MORN1: variants seen among roughly 807,000 people sequenced by gnomAD.
MORN1 encodes MORN repeat-containing protein 1.
MORN1 carries 67 observed loss-of-function variants against 61.9 expected under a neutral mutation model. The ratio of observed to expected loss-of-function variants is 1.08; its 90% CI spans 0.89 to 1.33. The LOEUF is 1.33. Ranked by LOEUF, MORN1 falls within the 40% of genes most tolerant of loss-of-function variation. The pLI is 0.00. For synonymous variants in MORN1, 301 were observed against 292.0 expected, an observed-to-expected ratio of 1.03 and a Z score of -0.31; for missense variants, 752 against 691.2, an observed-to-expected ratio of 1.09 and a Z score of -0.99.
intron 8 of MORN1, among the ~76,000 whole-genome samples, chr1:2,358,967 C>A (rs932326546): frequency 3.3e-5 from 5 of 152,154 alleles, no homozygotes; most frequent in Non-Finnish European, 7.4e-5. Context: ...ACCCCTGTAC[C>A]CCTGTACCCC....
intron 6 of MORN1, chr1:2,377,528 G>C (rs975660668): frequency 2.0e-5 from 3 of 152,374 alleles, no homozygotes; most frequent in Non-Finnish European, 4.4e-5. Context: ...CTGCTCTGGC[G>C]CTGGCCCACT....
chr1:2,339,941 C>T (rs1202396981), intron 10 of MORN1, among the ~76,000 whole-genome samples: 2 of 152,278 alleles, frequency 1.3e-5, no homozygotes. Flanking sequence ...GCCGCTCCTG[C>T]TCAGGGCACC....
intron 13 of MORN1, chr1:2,323,670 G>C (rs1041819500): frequency 3.0e-5 from 30 of 985,082 alleles, no homozygotes; most frequent in Non-Finnish European, 3.6e-5. Flanking sequence ...CCCCACGCTG[G>C]GAGGAGCCTT....
intron 6 of MORN1, among the ~76,000 whole-genome samples, chr1:2,383,267 T>TATGGCC (rs1175269314): frequency 6.6e-6 from 1 of 152,218 alleles, no homozygotes; most frequent in Non-Finnish European, 1.5e-5. Flanking sequence ...CTTTAACTCC[T>TATGGCC]ATGGCCAGGG....
intron 2 of MORN1, 115 bp from the exon 3 acceptor site, chr1:2,388,452 T>C: frequency 1.3e-6 from 1 of 783,188 alleles, no homozygotes; most frequent in Non-Finnish European, 2.2e-6. Flanking sequence ...AAACTTGTGT[T>C]TGGCTCCATC....
chr1:2,376,640 C>A, intron 6 of MORN1: 1 of 152,282 alleles, frequency 6.6e-6, no homozygotes, highest in Non-Finnish European at 1.5e-5. Flanking sequence ...CTGCGGCTCA[C>A]GTATGTGGCA....
chr1:2,340,291 C>T (rs574538867), intron 10 of MORN1, among the ~76,000 whole-genome samples: 1 of 152,292 alleles, frequency 6.6e-6, no homozygotes, highest in Non-Finnish European at 1.5e-5. Context: ...TCAGGGGCCA[C>T]ACACCCAGCC....
chr1:2,325,170 T>TTTCC (rs1640992649), intron 12 of MORN1, among the ~76,000 whole-genome samples: 1 of 15,436 alleles, frequency 6.5e-5, no homozygotes, highest in African/African-American at 3.2e-4. Flanking sequence ...CCTTCCTTCC[T>TTTCC]TTCCTTCCTT....
intron 10 of MORN1, chr1:2,355,544 A>G (rs1641745382): frequency 1.3e-6 from 2 of 1,494,260 alleles, no homozygotes; most frequent in Middle Eastern, 1.8e-4. Context: ...GGGCAGGGGC[A>G]CGGGCATGGA....
chr1:2,364,146 GT>G (rs938974616), intron 8 of MORN1, among the ~76,000 whole-genome samples: 21 of 152,112 alleles, frequency 1.4e-4, no homozygotes, highest in African/African-American at 4.8e-4. Context: ...GAAATAAAAA[GT>G]GACCATATTA....
chr1:2,388,607 G>T, intron 2 of MORN1: 1 of 364,686 alleles, frequency 2.7e-6, no homozygotes, highest in South Asian at 3.2e-5. Flanking sequence ...GAGAGACCCC[G>T]TCTCTACACA....
intron 6 of MORN1, among the ~76,000 whole-genome samples, chr1:2,380,095 A>G (rs1308187670): frequency 1.3e-5 from 2 of 152,186 alleles, no homozygotes; most frequent in African/African-American, 2.4e-5. Context: ...AGGCTCCAGC[A>G]TGGAGGCTTC....
rs558242265 is a variant in MORN1 at position 2,373,028 on chromosome 1, C to A, written c.635-437G>T. 2.0e-4 allele frequency among the ~76,000 whole-genome samples: 30 copies of A among 152,354 alleles called. No individual in the cohort carries two copies. In the South Asian group the frequency reaches 6.2e-3, roughly 32 times the overall value. ...CAAGGCCTGGCAAGGGTGGGTCCAC[C>A]GGCTGGCCAGTGCCTCCTGGCAGCC... On this transcript the variant is annotated intron_variant, in intron 7 of 13. Transcript: ENST00000378531.
At chr1:2,383,369 G>A (rs1264446355) in intron 6 of MORN1, among the ~76,000 whole-genome samples, 1 of 152,064 alleles carries the variant, frequency 6.6e-6, no homozygotes, top group Non-Finnish European at 1.5e-5. Context: ...TTTGGCCCCT[G>A]GCACCCTAGA....
rs530471063 is a variant in MORN1 at position 2,347,734 on chromosome 1, G to A, written c.1036+9698C>T. Among the ~76,000 whole-genome samples the A allele has an allele frequency of 3.9e-5, 6 of 152,322 alleles. No homozygotes were observed. In the East Asian group the frequency reaches 9.7e-4, roughly 25 times the overall value. ...GGACAGGGAGGTGGACTGCACGGCTGCTGCAGCCTTGAGGCTCCTGCTCGG... is the reference window on the plus strand; with the variant it reads ...GGACAGGGAGGTGGACTGCACGGCTACTGCAGCCTTGAGGCTCCTGCTCGG... On this transcript the variant is annotated intron_variant, in intron 10 of 13. Transcript: ENST00000378531.
intron 6 of MORN1, chr1:2,374,775 T>C (rs1642198073): frequency 1.9e-6 from 1 of 522,150 alleles, no homozygotes. Flanking sequence ...ATACTCCCTT[T>C]GGAATTTTAA....
intron 7 of MORN1, among the ~76,000 whole-genome samples, chr1:2,373,295 G>C (rs112908384): frequency 6.6e-6 from 1 of 152,222 alleles, no homozygotes; most frequent in Admixed American, 6.5e-5. Context: ...CGGGTGCCCC[G>C]GACTTCATGG....
chr1:2,353,564 T>C (rs1641698194), intron 10 of MORN1, among the ~76,000 whole-genome samples: 1 of 152,284 alleles, frequency 6.6e-6, no homozygotes, highest in Non-Finnish European at 1.5e-5. Context: ...CGGCCAGGAA[T>C]ACTCTTGCTG....
intron 13 of MORN1, 141 bp from the exon 14 acceptor site, chr1:2,321,720 T>A: frequency 8.4e-7 from 1 of 1,195,648 alleles, no homozygotes. Flanking sequence ...TCTGGGATTC[T>A]TGGCACTGTA....
Sources: gnomAD v4.1 joint callset for allele counts (sites outside exome capture counted in the v4.1 genomes callset) on GRCh38, gnomAD v4.1.1 for gene constraint, MANE v1.5 for transcripts, NCBI Gene and HGNC (gene_info 2026-07-23, HGNC 2026-07-21) for gene names.